PKHD1: variants seen among roughly 807,000 people sequenced by gnomAD.
PKHD1 encodes the protein PKHD1 ciliary IPT domain containing fibrocystin/polyductin, also known as fibrocystin.
In PKHD1, 291 loss-of-function variants were observed where a neutral mutation model predicts 412.0. That is an observed-to-expected ratio of 0.71 (90% CI 0.64 to 0.78). The LOEUF (loss-of-function observed/expected upper bound fraction) is 0.78, where lower values mean the gene tolerates loss of function less well. Among genes scored for constraint, PKHD1 ranks in the 30% least tolerant of loss-of-function variants. The pLI, the probability that PKHD1 is intolerant of heterozygous loss-of-function variation, is 0.00. For synonymous variants in PKHD1, 1,777 were observed against 1,821.5 expected, an observed-to-expected ratio of 0.98 and a Z score of 0.62; for missense variants, 4,825 against 4,950.7, an observed-to-expected ratio of 0.97 and a Z score of 0.76.
intron 46 of PKHD1, among the ~76,000 whole-genome samples, chr6:51,871,412 A>T (rs2151784568): frequency 8.3e-6 from 1 of 120,130 alleles, no homozygotes; most frequent in East Asian, 2.0e-4. Flanking sequence ...GGAGTGAAGG[A>T]AGCCAGTCCC....
At chr6:51,926,832 C>T (rs554642729) in intron 37 of PKHD1, among the ~76,000 whole-genome samples, 4 of 152,024 alleles carry the variant, frequency 2.6e-5, no homozygotes, top group South Asian at 2.1e-4. Context: ...AGAAAAAAAA[C>T]CTTATTTTTT....
intron 55 of PKHD1, among the ~76,000 whole-genome samples, chr6:51,759,363 C>T (rs1159929249): frequency 6.6e-6 from 1 of 152,082 alleles, no homozygotes; most frequent in Non-Finnish European, 1.5e-5. Flanking sequence ...TCCCACAAAC[C>T]CTTCACCAAA....
intron 51 of PKHD1, among the ~76,000 whole-genome samples, chr6:51,833,431 G>T: frequency 6.6e-6 from 1 of 152,156 alleles, no homozygotes; most frequent in East Asian, 1.9e-4. Context: ...TCAGTCTCCT[G>T]TCAGAGTTAT....
intron 45 of PKHD1, 36 bp from the exon 46 acceptor site, chr6:51,883,263 G>A (rs1320090857): frequency 1.2e-6 from 2 of 1,604,792 alleles, no homozygotes; most frequent in African/African-American, 2.7e-5. Context: ...AAGGTCTGAG[G>A]CTTGGTTTTT....
intron 39 of PKHD1, among the ~76,000 whole-genome samples, chr6:51,911,485 T>C (rs1440882104): frequency 6.6e-6 from 1 of 152,150 alleles, no homozygotes; most frequent in Admixed American, 6.5e-5. Context: ...GGCCTGGAAT[T>C]TTAACATTGA....
chr6:51,651,863 C>T lies in PKHD1; in HGVS notation c.11175-2643G>A, dbSNP rs554075869. ...TAGATTCCAGTGTCCGTTGCTGTGACGACGGGAGTCACCTGATGCCTTGTT... is the reference window on the plus strand; with the variant it reads ...TAGATTCCAGTGTCCGTTGCTGTGATGACGGGAGTCACCTGATGCCTTGTT... On this transcript the variant is annotated intron_variant, in intron 61 of 66. Coordinates refer to ENST00000371117, the MANE Select transcript of PKHD1 (RefSeq NM_138694.4). Among the ~76,000 whole-genome samples, 9 of 152,208 alleles carry T rather than the reference C, an allele frequency of 5.9e-5. No homozygotes were observed. In the South Asian group the frequency reaches 6.2e-4, roughly 11 times the overall value.
intron 5 of PKHD1, among the ~76,000 whole-genome samples, chr6:52,077,081 G>A (rs1811425984): frequency 6.6e-6 from 1 of 152,186 alleles, no homozygotes; most frequent in Non-Finnish European, 1.5e-5. Flanking sequence ...CACAAAGGCA[G>A]GGACAATGCT....
intron 43 of PKHD1, among the ~76,000 whole-genome samples, chr6:51,895,727 G>C (rs1249066212): frequency 6.6e-6 from 1 of 152,118 alleles, no homozygotes; most frequent in Non-Finnish European, 1.5e-5. Flanking sequence ...ACAGAAGACA[G>C]GCGATTTCTG....
In PKHD1 at chr6:51,748,116, A is replaced by G. The variant is rs770317082; in HGVS notation, c.9500T>C (p.Ile3167Thr). The G allele has an allele frequency of 6.8e-6, 11 of 1,613,932 alleles. No homozygotes were observed. Among genetic ancestry groups the G allele is most frequent in the Non-Finnish European group, 9.3e-6 (11 of 1,179,812 alleles). ...ATTGTCTACCAGAGTAATGTTCTCT[A>G]TCTCCACGCTGTTCTCTACATGTAA... The part of the protein sequence containing the change: ...AMLHVENSVE[I>T]ENITLVDNTI... The change falls in exon 58 of 67, where the codon ATA becomes ACA. Residue 3167 changes from isoleucine to threonine, a missense_variant. By Grantham distance (89) the Ile-to-Thr change is moderately conservative. Transcript: ENST00000371117.
intron 60 of PKHD1, among the ~76,000 whole-genome samples, chr6:51,699,375 T>C (rs1401347613): frequency 6.6e-6 from 1 of 152,168 alleles, no homozygotes; most frequent in Non-Finnish European, 1.5e-5. Context: ...TCACTCTGCA[T>C]GTCTGAGAAT....
At chr6:51,829,770 A>G (rs1198835439) in intron 52 of PKHD1, among the ~76,000 whole-genome samples, 1 of 152,140 alleles carries the variant, frequency 6.6e-6, no homozygotes, top group African/African-American at 2.4e-5. Context: ...TAAAGCAAAC[A>G]ATACAGTGAC....
At chr6:52,068,555 T>C (rs1239433574) in intron 11 of PKHD1, among the ~76,000 whole-genome samples, 1 of 152,224 alleles carries the variant, frequency 6.6e-6, no homozygotes, top group African/African-American at 2.4e-5. Context: ...ACAAGATACT[T>C]TGTTTATCTG....
rs11430320 is a variant in PKHD1 at position 51,925,973 on chromosome 6, T to TAA, written c.6121+8135_6121+8136dup. Reference sequence around the variant, plus strand: ...AGGCACTGTTCTAGGCAATGCAGATTAAAAAAAAAAAAAAAGTAAAGTGCT... The same window carrying TAA: ...AGGCACTGTTCTAGGCAATGCAGATTAAAAAAAAAAAAAAAAAGTAAAGTGCT... On this transcript the variant is annotated intron_variant, in intron 37 of 66. Coordinates refer to ENST00000371117, the MANE Select transcript of PKHD1 (RefSeq NM_138694.4). 8.5e-4 allele frequency among the ~76,000 whole-genome samples: 119 copies of TAA among 140,320 alleles called. 1 individual carries two copies. In the East Asian group the frequency reaches 9.2e-3, roughly 11 times the overall value. 92.1% of individuals were successfully genotyped at this position (140,320 alleles called of 152,430 possible).
chr6:51,649,181 A>C lies in PKHD1; in HGVS notation c.11214T>G (p.Ile3738Met). ...SSFKTGNLIY[I>M]RPYALSILVQ... ...CTAGGATGGAAAGTGCATAGGGCCG[A>C]ATATATATCAAGTTCCCAGTTTTAA... The change falls in exon 62 of 67, where the codon ATT becomes ATG. Residue 3738 changes from isoleucine to methionine, a missense_variant. Coordinates refer to ENST00000371117, the MANE Select transcript of PKHD1 (RefSeq NM_138694.4). 6.2e-7 allele frequency: 1 copy of C among 1,611,904 alleles called. No individual in the cohort carries two copies.
intron 36 of PKHD1, among the ~76,000 whole-genome samples, chr6:51,942,388 G>A (rs1335188931): frequency 2.0e-5 from 3 of 151,656 alleles, no homozygotes; most frequent in African/African-American, 7.2e-5. Context: ...AATACTTTTA[G>A]AGGCCCTTAA....
chr6:51,863,838 G>A (rs576335535), intron 48 of PKHD1, among the ~76,000 whole-genome samples: 1 of 152,188 alleles, frequency 6.6e-6, no homozygotes, highest in Non-Finnish European at 1.5e-5. Context: ...AAGATCTGGG[G>A]GCAGTCCACT....
At chr6:51,994,707 G>C (rs571471892) in intron 35 of PKHD1, among the ~76,000 whole-genome samples, 24 of 151,888 alleles carry the variant, frequency 1.6e-4, no homozygotes, top group Admixed American at 2.6e-4. Context: ...TCAGACTCCC[G>C]AGTAGCTAGG....
chr6:51,911,829 C>G lies in PKHD1; in HGVS notation c.6460G>C (p.Val2154Leu). 1 of 1,613,152 alleles carries G rather than the reference C, an allele frequency of 6.2e-7. No individual in the cohort carries two copies. The change falls in exon 39 of 67, where the codon GTT becomes CTT. Residue 2154 changes from valine (V) to leucine (L), a missense_variant. Physicochemically the swap from Val to Leu is conservative, Grantham distance 32 (BLOSUM62 1). Transcript: ENST00000371117. ...GGAGCATTGGCCTCCTGGCATGAAACAAGCAGCTTCTCCCTCTCATTAGTG... is the reference window on the plus strand; with the variant it reads ...GGAGCATTGGCCTCCTGGCATGAAAGAAGCAGCTTCTCCCTCTCATTAGTG... ...NLTNEREKLL[V>L]SCQEANAPEG...
rs140674740 is a variant in PKHD1 at position 52,024,956 on chromosome 6, G to A, written c.4854C>T (p.Ile1618=). The change falls in exon 32 of 67, where the codon ATC becomes ATT. Residue 1618 remains isoleucine, a synonymous_variant. Transcript: ENST00000371117. ...IDQQTCLTVN[I]GAELIRCIVP... Reference sequence around the variant, plus strand: ...CAATGCACCGGATGAGCTCAGCACCGATGTTCACCGTCAGGCAGGTCTGCT... The same window carrying A: ...CAATGCACCGGATGAGCTCAGCACCAATGTTCACCGTCAGGCAGGTCTGCT... 147 of 1,614,062 alleles carry A rather than the reference G, an allele frequency of 9.1e-5. No homozygotes were observed. Among genetic ancestry groups the A allele is most frequent in the African/African-American group, 2.1e-4 (16 of 74,918 alleles).
Sources: allele counts gnomAD v4.1 joint callset (sites outside exome capture counted in the v4.1 genomes callset), GRCh38; gene constraint gnomAD v4.1.1; transcripts MANE v1.5; gene names NCBI Gene and HGNC (gene_info 2026-07-23, HGNC 2026-07-21).